JPH1: variants seen among roughly 807,000 people sequenced by gnomAD.
JPH1 encodes junctophilin-1.
In JPH1, 12 loss-of-function variants were observed where a neutral mutation model predicts 53.6. The observed-to-expected ratio is 0.22, with a 90% CI of 0.14 to 0.36. The LOEUF (loss-of-function observed/expected upper bound fraction) is 0.36, where lower values mean the gene tolerates loss of function less well. Among genes scored for constraint, JPH1 ranks in the 10% least tolerant of loss-of-function variants. The pLI, the probability that JPH1 is intolerant of heterozygous loss-of-function variation, is 1.00. For synonymous variants in JPH1, 375 were observed against 363.8 expected, an observed-to-expected ratio of 1.03 and a Z score of -0.35; for missense variants, 808 against 905.5, an observed-to-expected ratio of 0.89 and a Z score of 1.38.
At position 74,321,000 on chromosome 8, in the gene JPH1, G is replaced by C. The variant is rs1010327172; in HGVS notation, c.288C>G (p.Val96=). ...WSHGFKGRYG[V]RQSLCTPARY... ...GAGCGGGGGTGCACAGGCTCTGCCGGACCCCGTAGCGCCCCTTGAAACCAT... is the reference window on the plus strand; with the variant it reads ...GAGCGGGGGTGCACAGGCTCTGCCGCACCCCGTAGCGCCCCTTGAAACCAT... Residue 96 remains valine (V), a synonymous_variant, in exon 1 of 6, where the codon GTC becomes GTG. Coordinates refer to ENST00000342232, the MANE Select transcript of JPH1 (RefSeq NM_020647.4). The surrounding 1 kb of genome is among the most constrained non-coding windows in gnomAD (Gnocchi z 4.4). The C allele has an allele frequency of 1.2e-5, 19 of 1,612,734 alleles. No individual in the cohort carries two copies. Among genetic ancestry groups the C allele is most frequent in the African/African-American group, 2.7e-5 (2 of 74,840 alleles).
intron 2 of JPH1, among the ~76,000 whole-genome samples, chr8:74,269,877 C>T (rs887860191): frequency 4.6e-5 from 7 of 152,210 alleles, no homozygotes; most frequent in African/African-American, 1.7e-4. Context: ...TCACCATCTT[C>T]TAGATTTGTT....
Position 74,314,970 on chromosome 8 carries a change from G to A in JPH1, c.1030C>T (p.Leu344Phe), listed in dbSNP as rs970085291. The A allele has an allele frequency of 1.2e-6, 2 of 1,614,174 alleles. No individual in the cohort carries two copies. The highest frequency in any genetic ancestry group is 1.7e-6 in the Non-Finnish European group (2 of 1,180,032). ...GTTTTTGTATGTCTTATTGGTATAA[G>A]CTGCTTCCTTATCCCACGGACCAGA... ...NILVRGIRKQ[L>F]IPIRHTKTRE... The change falls in exon 2 of 6, where the codon CTT becomes TTT. Residue 344 changes from leucine (L) to phenylalanine (F), a missense_variant. Around this residue, in one of 2 missense-constraint regions of JPH1, gnomAD observed 756 missense variants for 811.9 expected, o/e 0.93. Transcript: ENST00000342232.
intron 2 of JPH1, among the ~76,000 whole-genome samples, chr8:74,274,184 C>T (rs1229965491): frequency 3.3e-5 from 5 of 152,200 alleles, no homozygotes; most frequent in Non-Finnish European, 7.3e-5. Flanking sequence ...CCACTCCCCG[C>T]TTCCTAGGTG....
intron 2 of JPH1, among the ~76,000 whole-genome samples, chr8:74,304,673 C>A (rs1470610123): frequency 6.6e-6 from 1 of 151,972 alleles, no homozygotes; most frequent in Non-Finnish European, 1.5e-5. Flanking sequence ...GGTTTCTAGA[C>A]CAAGCAACTG....
intron 2 of JPH1, among the ~76,000 whole-genome samples, chr8:74,308,405 T>C (rs759899025): frequency 3.0e-4 from 46 of 152,350 alleles, no homozygotes; most frequent in Non-Finnish European, 5.3e-4. Flanking sequence ...TCCTTGACTA[T>C]TGTTAGATTA....
chr8:74,305,448 G>C (rs1807805643), intron 2 of JPH1, among the ~76,000 whole-genome samples: 1 of 152,230 alleles, frequency 6.6e-6, no homozygotes, highest in African/African-American at 2.4e-5. Context: ...AAACATAGGA[G>C]TAGGGTGGTT....
chr8:74,266,265 G>C (rs1806528277), intron 2 of JPH1, among the ~76,000 whole-genome samples: 1 of 151,976 alleles, frequency 6.6e-6, no homozygotes. Flanking sequence ...ATGCATTCTA[G>C]ATACTCTTTA....
In JPH1 at chr8:74,245,283, C is replaced by T. The variant is rs966086574; in HGVS notation, c.1259-108G>A. On this transcript the variant is annotated intron_variant, in intron 3 of 5. Transcript: ENST00000342232. Reference sequence around the variant, plus strand: ...TTTTAAAAATAATATATTCATAAGGCTTTGACTAAACACATATTTCATTCT... The same window carrying T: ...TTTTAAAAATAATATATTCATAAGGTTTTGACTAAACACATATTTCATTCT... 5 of 947,148 alleles carry T rather than the reference C, an allele frequency of 5.3e-6. No homozygotes were observed. In the South Asian group the frequency reaches 9.3e-5, roughly 18 times the overall value. The allele number at this position is 947,148 out of a possible 1,614,324, so 58.7% of individuals were successfully genotyped here. A position where few individuals can be genotyped will look rare whatever the true frequency, so the allele number is the denominator to read the frequency against.
intron 2 of JPH1, among the ~76,000 whole-genome samples, chr8:74,293,548 C>T (rs73686594): frequency 0.02 from 3,096 of 152,286 alleles, 111 homozygotes; most frequent in African/African-American, 0.071. Flanking sequence ...CACAGCTGAA[C>T]GAACCACTAC....
intron 2 of JPH1, among the ~76,000 whole-genome samples, chr8:74,275,328 T>C (rs965493264): frequency 1.3e-5 from 2 of 152,160 alleles, no homozygotes; most frequent in Non-Finnish European, 2.9e-5. Context: ...ATGTCTGTTT[T>C]TACTGGAGGG....
intron 2 of JPH1, among the ~76,000 whole-genome samples, chr8:74,313,522 T>C (rs1241688018): frequency 6.6e-6 from 1 of 150,954 alleles, no homozygotes; most frequent in East Asian, 1.9e-4. Flanking sequence ...CCTTATTTAG[T>C]GGTAGCCCTA....
At chr8:74,274,861 A>G (rs958036202) in intron 2 of JPH1, among the ~76,000 whole-genome samples, 7 of 152,190 alleles carry the variant, frequency 4.6e-5, no homozygotes, top group Non-Finnish European at 7.3e-5. Flanking sequence ...TGATATTAAC[A>G]TCTTCACTTT....
Position 74,236,142 on chromosome 8 carries a change from C to T in JPH1, c.*909G>A, listed in dbSNP as rs1376827939. 1 of 152,104 alleles carries T rather than the reference C, an allele frequency of 6.6e-6. No homozygotes were observed. The highest frequency in any genetic ancestry group is 1.5e-5 in the Non-Finnish European group (1 of 68,016). 9.4% of individuals were successfully genotyped at this position (152,104 alleles called of 1,614,324 possible). On this transcript the variant is annotated 3_prime_UTR_variant, in exon 6 of 6. Coordinates refer to ENST00000342232, the MANE Select transcript of JPH1 (RefSeq NM_020647.4). The stretch of plus-strand genomic sequence containing the variant: ...CTTCCTAAGTGCATAAATAATTCAC[C>T]TCAGTAATGTTAAAAATATTTAGAA...
rs1229554516 is a variant in JPH1, at chr8:74,245,095, G to A, written c.1339C>T (p.Pro447Ser). The A allele has an allele frequency of 1.9e-6, 3 of 1,613,096 alleles. No individual in the cohort carries two copies. Among genetic ancestry groups the A allele is most frequent in the Middle Eastern group, 1.7e-4 (1 of 6,060 alleles). ...NPEEKVPEKPPTPKESPHFYR... is the reference protein window; with the variant it reads ...NPEEKVPEKPSTPKESPHFYR... ...AAATGAGGAGACTCCTTTGGTGTAG[G>A]TGGCTTTTCTGGTACCTTTTCTTCT... The change falls in exon 4 of 6, where the codon CCT (proline) becomes TCT (serine). Residue 447 changes from proline to serine, a missense_variant. This residue lies in a region of JPH1 where 756 missense variants were observed against 811.9 expected (regional missense o/e 0.93). Transcript: ENST00000342232.
chr8:74,309,227 T>C (rs1807921510), intron 2 of JPH1, among the ~76,000 whole-genome samples: 1 of 152,190 alleles, frequency 6.6e-6, no homozygotes, highest in Non-Finnish European at 1.5e-5. Flanking sequence ...CCCAGCTGTG[T>C]ACCAATGAGC....
chr8:74,237,227 G>A lies in JPH1; in HGVS notation c.1982C>T (p.Thr661Ile), dbSNP rs138618358. ...GLAILFVHFL[T>I] ...TCTTACCTTTCCTAATTCCAATCAA[G>A]TTAGAAAGTGAACAAAAAGAATGGC... Residue 661 changes from threonine to isoleucine, a missense_variant, in exon 5 of 6, where the codon ACT (threonine) becomes ATT (isoleucine). Coordinates refer to ENST00000342232, the MANE Select transcript of JPH1 (RefSeq NM_020647.4). 1 of 1,607,916 alleles carries A rather than the reference G, an allele frequency of 6.2e-7. No homozygotes were observed. Among genetic ancestry groups the A allele is most frequent in the Non-Finnish European group, 8.5e-7 (1 of 1,174,964 alleles).
At chr8:74,266,380 A>T (rs549475170) in intron 2 of JPH1, among the ~76,000 whole-genome samples, 1 of 152,226 alleles carries the variant, frequency 6.6e-6, no homozygotes, top group East Asian at 1.9e-4. Flanking sequence ...ATTCAGACTT[A>T]AAAAGGAAAT....
rs1411540599 is a variant in JPH1, at chr8:74,244,827, T to C, written c.1607A>G (p.His536Arg). The C allele has an allele frequency of 6.2e-7, 1 of 1,614,158 alleles. No homozygotes were observed. The highest frequency in any genetic ancestry group is 8.5e-7 in the Non-Finnish European group (1 of 1,180,000). The change falls in exon 4 of 6, where the codon CAC (histidine) becomes CGC (arginine). Residue 536 changes from histidine (H) to arginine (R), a missense_variant. Coordinates refer to ENST00000342232, the MANE Select transcript of JPH1 (RefSeq NM_020647.4). The stretch of plus-strand genomic sequence containing the variant: ...CCCGTTACTGGGGTTGGGGATGTGG[T>C]GGCGGCCAGAGTACTTGGACTGGGG... ...VVPQSKYSGR[H>R]HIPNPSNGEL...
At chr8:74,289,323 T>C (rs1807256441) in intron 2 of JPH1, among the ~76,000 whole-genome samples, 1 of 152,240 alleles carries the variant, frequency 6.6e-6, no homozygotes, top group African/African-American at 2.4e-5. Flanking sequence ...AGCTACAGCA[T>C]GACCTTCTTC....
Sources: gnomAD v4.1 joint callset for allele counts (sites outside exome capture counted in the v4.1 genomes callset) on GRCh38, gnomAD v4.1.1 for gene constraint, gnomAD v4.1.1 regional missense constraint, Gnocchi (gnomAD v3.1) non-coding constraint, MANE v1.5 for transcripts, NCBI Gene and HGNC (gene_info 2026-07-23, HGNC 2026-07-21) for gene names.